GOT1: variants seen among roughly 807,000 people sequenced by gnomAD.
GOT1 encodes the protein glutamic-oxaloacetic transaminase 1, also known as aspartate aminotransferase, cytoplasmic.
A neutral mutation model predicts 48.2 loss-of-function variants in GOT1; 25 were observed. The observed-to-expected ratio is 0.52, with a 90% confidence interval of 0.38 to 0.72. The LOEUF (loss-of-function observed/expected upper bound fraction) is 0.72. Ranked by LOEUF, GOT1 falls within the 30% of genes least tolerant of loss-of-function variation. The probability of loss-of-function intolerance (pLI) is 0.00; values close to 1 mark genes in which losing one functional copy is unlikely to be tolerated. For synonymous variants in GOT1, 188 were observed against 193.8 expected (o/e 0.97, Z 0.25); for missense variants, 380 against 520.1 (o/e 0.73, Z 2.62).
Position 99,430,554 on chromosome 10 carries a change from C to T in GOT1, c.12G>A (p.Pro4=), listed in dbSNP as rs755345377. The change falls in exon 1 of 9, where the codon CCG becomes CCA. Residue 4 remains proline, a synonymous_variant. Coordinates refer to ENST00000370508, the MANE Select transcript of GOT1 (RefSeq NM_002079.3). The part of the protein sequence containing the change: MAP[P]SVFAEVPQAQ... ...CCTGCGGAACCTCGGCAAAGACTGA[C>T]GGAGGTGCCATATCGAGAGACTAGG... 6.2e-7 allele frequency: 1 copy of T among 1,603,108 alleles called. No individual in the cohort carries two copies. Among genetic ancestry groups the T allele is most frequent in the Non-Finnish European group, 8.5e-7 (1 of 1,173,690 alleles).
At chr10:99,412,405 A>C (rs1398300768) in intron 2 of GOT1, among the ~76,000 whole-genome samples, 2 of 151,876 alleles carry the variant, frequency 1.3e-5, no homozygotes, top group African/African-American at 4.8e-5. Flanking sequence ...TCCTAGCTGC[A>C]GCATGCAGAA....
At chr10:99,401,666 C>CA (rs1308973026) in intron 8 of GOT1, among the ~76,000 whole-genome samples, 1,579 of 140,554 alleles carry the variant, frequency 0.011, 25 homozygotes, top group African/African-American at 0.037. Context: ...GACTCCATCT[C>CA]AAAAAAAAAA....
chr10:99,429,350 CT>C (rs71488890), intron 1 of GOT1, among the ~76,000 whole-genome samples: 13,080 of 140,702 alleles, frequency 0.093, 679 homozygotes, highest in South Asian at 0.23. Flanking sequence ...GCCCGGCCGA[CT>C]TTTTTTTTTT....
chr10:99,400,260 A>G (rs1411317184), intron 8 of GOT1, among the ~76,000 whole-genome samples: 2 of 152,262 alleles, frequency 1.3e-5, no homozygotes, highest in African/African-American at 2.4e-5. Flanking sequence ...AAAAAAGATA[A>G]CAAAGGAAGT....
intron 2 of GOT1, among the ~76,000 whole-genome samples, chr10:99,418,807 C>A (rs948152866): frequency 6.6e-6 from 1 of 152,140 alleles, no homozygotes; most frequent in Admixed American, 6.5e-5. Context: ...CTGGCCAGTT[C>A]CCCACTTTCA....
chr10:99,411,470 C>T (rs1356885819), intron 2 of GOT1, among the ~76,000 whole-genome samples: 1 of 152,128 alleles, frequency 6.6e-6, no homozygotes, highest in Non-Finnish European at 1.5e-5. Context: ...TACTTGTTCA[C>T]TCATTCTTTC....
At chr10:99,429,608 A>C (rs1282995095) in intron 1 of GOT1, among the ~76,000 whole-genome samples, 1 of 152,142 alleles carries the variant, frequency 6.6e-6, no homozygotes, top group Non-Finnish European at 1.5e-5. Flanking sequence ...CAAACATCCA[A>C]ATGATAGTGA....
intron 1 of GOT1, among the ~76,000 whole-genome samples, chr10:99,426,266 G>C (rs2033036736): frequency 6.6e-6 from 1 of 152,058 alleles, no homozygotes; most frequent in Non-Finnish European, 1.5e-5. Flanking sequence ...CCCTTTTAGG[G>C]GAGTCACACA....
Position 99,397,722 on chromosome 10 carries a change from A to G in GOT1, c.1103-36T>C. 1.2e-6 allele frequency: 2 copies of G among 1,607,136 alleles called. No homozygotes were observed. The highest frequency in any genetic ancestry group is 1.7e-6 in the Non-Finnish European group (2 of 1,173,816). ...CCAAAAGAAGACATAATCAGAGCAG[A>G]GGGGATCCTTAAAGCAGTGGAGGCT... On this transcript the variant is annotated intron_variant, in intron 8 of 8. Transcript: ENST00000370508. The surrounding 1 kb of genome is among the most constrained non-coding windows in gnomAD (Gnocchi z 5.4).
At chr10:99,402,349 G>A (rs369084789) in intron 8 of GOT1, among the ~76,000 whole-genome samples, 5 of 152,286 alleles carry the variant, frequency 3.3e-5, no homozygotes, top group South Asian at 2.1e-4. Context: ...CCACAAACAC[G>A]GAAATATCTT....
chr10:99,399,659 G>C (rs571949614), intron 8 of GOT1, among the ~76,000 whole-genome samples: 1 of 152,244 alleles, frequency 6.6e-6, no homozygotes, highest in South Asian at 2.1e-4. Flanking sequence ...TGTGGTCCCA[G>C]GTACTACGAA....
rs1214945163 is a variant in GOT1, at chr10:99,397,251, A to G, written c.*296T>C. The stretch of plus-strand genomic sequence containing the variant: ...GAAGCACGTGGCCGCCACACACAAC[A>G]CTCCTTTTTAGTGAGAGGGACAAGA... On this transcript the variant is annotated 3_prime_UTR_variant, in exon 9 of 9. Coordinates refer to ENST00000370508, the MANE Select transcript of GOT1 (RefSeq NM_002079.3). This position sits in a 1 kb window ranked among gnomAD's most constrained non-coding sequence, Gnocchi z 5.4. The G allele has an allele frequency of 3.1e-6, 1 of 320,634 alleles. No homozygotes were observed. The highest frequency in any genetic ancestry group is 2.1e-5 in the African/African-American group (1 of 48,032). 19.9% of individuals were successfully genotyped at this position (320,634 alleles called of 1,614,324 possible). A position where few individuals can be genotyped will look rare whatever the true frequency, so the allele number is the denominator to read the frequency against.
At chr10:99,421,014 C>T (rs2032958746) in intron 1 of GOT1, among the ~76,000 whole-genome samples, 1 of 152,154 alleles carries the variant, frequency 6.6e-6, no homozygotes, top group African/African-American at 2.4e-5. Flanking sequence ...AGATGTGGTC[C>T]CCATCCTTGT....
chr10:99,401,106 G>A (rs1399464694), intron 8 of GOT1, among the ~76,000 whole-genome samples: 1 of 152,194 alleles, frequency 6.6e-6, no homozygotes, highest in African/African-American at 2.4e-5. Context: ...TGGATAATGG[G>A]AAGATATGGA....
In GOT1 at chr10:99,403,705, T is replaced by C; in HGVS notation, c.793+19A>G. The C allele has an allele frequency of 6.2e-7, 1 of 1,614,030 alleles. No homozygotes were observed. The highest frequency in any genetic ancestry group is 2.2e-5 in the East Asian group (1 of 44,882). On this transcript the variant is annotated intron_variant, in intron 6 of 8. Transcript: ENST00000370508. ...TGATGCGAGGAGGTGGGGCTGTAAC[T>C]CCTCAGGAGAGCACTCACTGTAGAG...
chr10:99,420,834 T>C, intron 1 of GOT1, 29 bp from the exon 2 acceptor site: 6 of 1,559,222 alleles, frequency 3.8e-6, no homozygotes, highest in Non-Finnish European at 5.3e-6. Flanking sequence ...TTATACATAG[T>C]GGAGGCTCAT....
chr10:99,398,740 G>A (rs1308131275), intron 8 of GOT1, among the ~76,000 whole-genome samples: 4 of 152,160 alleles, frequency 2.6e-5, no homozygotes, highest in Non-Finnish European at 5.9e-5. Flanking sequence ...CCAACCTGAG[G>A]AAATGGAATA....
intron 2 of GOT1, among the ~76,000 whole-genome samples, chr10:99,411,628 A>G (rs3763793): frequency 0.46 from 70,035 of 152,088 alleles, 18,805 homozygotes; most frequent in Non-Finnish European, 0.6. Flanking sequence ...AGTATACTAC[A>G]TCATTTTCTT....
intron 2 of GOT1, among the ~76,000 whole-genome samples, chr10:99,416,231 C>A (rs1318096523): frequency 2.0e-5 from 3 of 152,062 alleles, no homozygotes; most frequent in Non-Finnish European, 2.9e-5. Context: ...GCTGATGAGC[C>A]ACTTCAGCAA....
Sources: allele counts gnomAD v4.1 joint callset (sites outside exome capture counted in the v4.1 genomes callset), GRCh38; gene constraint gnomAD v4.1.1; non-coding constraint Gnocchi (gnomAD v3.1); transcripts MANE v1.5; gene names NCBI Gene and HGNC (gene_info 2026-07-23, HGNC 2026-07-21).